DOCK1: variants seen among roughly 807,000 people sequenced by gnomAD.
The protein encoded by DOCK1 is dedicator of cytokinesis protein 1.
DOCK1 carries 138 observed loss-of-function variants against 262.7 expected under a neutral mutation model. The observed-to-expected ratio is 0.53, with a 90% confidence interval of 0.46 to 0.61. DOCK1 has a LOEUF of 0.61. Ranked by LOEUF, DOCK1 falls within the 20% of genes least tolerant of loss-of-function variation. The probability of loss-of-function intolerance (pLI) is 0.00; values close to 1 mark genes in which losing one functional copy is unlikely to be tolerated. For synonymous variants in DOCK1, 866 were observed against 867.4 expected, an observed-to-expected ratio of 1.00 and a Z score of 0.03; for missense variants, 1,908 against 2,370.7, an observed-to-expected ratio of 0.80 and a Z score of 4.05.
chr10:127,361,986 G>C, intron 32 of DOCK1, 78 bp from the exon 33 acceptor site: 1 of 1,418,512 alleles, frequency 7.0e-7, no homozygotes, highest in African/African-American at 1.4e-5. Flanking sequence ...GATCTGTGTT[G>C]TGTTGTTTTA....
At chr10:127,093,196 C>A (rs1323143406) in intron 23 of DOCK1, among the ~76,000 whole-genome samples, 1 of 78,880 alleles carries the variant, frequency 1.3e-5, no homozygotes, top group Non-Finnish European at 2.6e-5. Context: ...TCTCCCTCTC[C>A]TTTTTCTTTC....
chr10:127,236,913 G>A (rs541870083), intron 27 of DOCK1, among the ~76,000 whole-genome samples: 92 of 152,060 alleles, frequency 6.1e-4, no homozygotes, highest in Non-Finnish European at 1.1e-3. Flanking sequence ...TGAGGAAAAC[G>A]AGGCTCAGAA....
At chr10:127,101,256 A>G in intron 23 of DOCK1, among the ~76,000 whole-genome samples, 1 of 152,056 alleles carries the variant, frequency 6.6e-6, no homozygotes, top group East Asian at 1.9e-4. Context: ...AGGCTTGAGA[A>G]GAGCAAAGAA....
intron 4 of DOCK1, among the ~76,000 whole-genome samples, chr10:126,982,881 T>G (rs182297998): frequency 6.6e-6 from 1 of 152,372 alleles, no homozygotes; most frequent in Non-Finnish European, 1.5e-5. Flanking sequence ...CTGGATCAAG[T>G]GTGCATTTAG....
chr10:127,228,739 C>T (rs1231458853), intron 27 of DOCK1, among the ~76,000 whole-genome samples: 2 of 152,188 alleles, frequency 1.3e-5, no homozygotes, highest in African/African-American at 4.8e-5. Flanking sequence ...AAATCACACA[C>T]ATTCTCTAGC....
chr10:127,035,790 A>G (rs1006570053), intron 18 of DOCK1, among the ~76,000 whole-genome samples: 1 of 151,928 alleles, frequency 6.6e-6, no homozygotes, highest in African/African-American at 2.4e-5. Flanking sequence ...CGTGAGGTTC[A>G]CATGAGCCCA....
At chr10:126,960,522 C>G (rs1034389195) in intron 1 of DOCK1, among the ~76,000 whole-genome samples, 1 of 150,624 alleles carries the variant, frequency 6.6e-6, no homozygotes, top group Middle Eastern at 3.4e-3. Context: ...AGGGTTTCAT[C>G]CAGAGGTGAT....
At chr10:127,436,705 T>A (rs2069712644) in intron 48 of DOCK1, among the ~76,000 whole-genome samples, 1 of 152,138 alleles carries the variant, frequency 6.6e-6, no homozygotes, top group Non-Finnish European at 1.5e-5. Flanking sequence ...CACTATGAAT[T>A]TCTAATTTAA....
At chr10:127,436,099 A>G (rs1201605878) in intron 48 of DOCK1, among the ~76,000 whole-genome samples, 1 of 152,220 alleles carries the variant, frequency 6.6e-6, no homozygotes, top group Non-Finnish European at 1.5e-5. Context: ...TTTCTCACCT[A>G]ATGGATATGG....
intron 27 of DOCK1, among the ~76,000 whole-genome samples, chr10:127,141,202 T>C (rs2051207901): frequency 6.6e-6 from 1 of 152,212 alleles, no homozygotes; most frequent in Non-Finnish European, 1.5e-5. Flanking sequence ...TCCTGTCTTA[T>C]TTGTTTTTGC....
At chr10:127,035,012 T>C (rs1368316225) in intron 18 of DOCK1, among the ~76,000 whole-genome samples, 1 of 152,234 alleles carries the variant, frequency 6.6e-6, no homozygotes, top group East Asian at 1.9e-4. Context: ...CAGCAGCAGC[T>C]GTTGCCAGGC....
chr10:127,185,008 C>T (rs1165104418), intron 27 of DOCK1, among the ~76,000 whole-genome samples: 6 of 152,146 alleles, frequency 3.9e-5, no homozygotes, highest in African/African-American at 1.4e-4. Flanking sequence ...GACACCAGTC[C>T]ACTGTGCACA....
intron 29 of DOCK1, among the ~76,000 whole-genome samples, chr10:127,275,237 G>T (rs1216017714): frequency 6.6e-6 from 1 of 151,866 alleles, no homozygotes; most frequent in Admixed American, 6.6e-5. Context: ...CCAAGAGCAG[G>T]AGTCAGTAAT....
intron 12 of DOCK1, among the ~76,000 whole-genome samples, chr10:127,014,523 ATTAAGTG>A (rs1186255439): frequency 6.6e-6 from 1 of 152,218 alleles, no homozygotes; most frequent in Admixed American, 6.5e-5. Context: ...GATTTCTAAT[ATTAAGTG>A]TTAAGTGTTC....
chr10:127,182,995 C>T (rs1291314750), intron 27 of DOCK1, among the ~76,000 whole-genome samples: 1 of 149,692 alleles, frequency 6.7e-6, no homozygotes, highest in Non-Finnish European at 1.5e-5. Flanking sequence ...TAGTGGGAAT[C>T]TCACTCACAT....
intron 1 of DOCK1, among the ~76,000 whole-genome samples, chr10:126,952,251 G>T (rs1042281028): frequency 6.6e-6 from 1 of 152,022 alleles, no homozygotes; most frequent in Non-Finnish European, 1.5e-5. Context: ...GTAGGTGATG[G>T]TGATGGTAAT....
intron 32 of DOCK1, among the ~76,000 whole-genome samples, chr10:127,356,765 AG>A (rs1281863276): frequency 6.6e-6 from 1 of 152,158 alleles, no homozygotes; most frequent in African/African-American, 2.4e-5. Flanking sequence ...TTGGGCTCTC[AG>A]GGCAGACCCC....
rs2070522521 is a variant in DOCK1 at position 127,446,032 on chromosome 10, G to A, written c.5414-1362G>A. Among the ~76,000 whole-genome samples, 1 of 152,168 alleles carries A rather than the reference G, an allele frequency of 6.6e-6. No homozygotes were observed. The highest frequency in any genetic ancestry group is 2.4e-5 in the African/African-American group (1 of 41,456). Reference sequence around the variant, plus strand: ...TTGGGAGTTCGAGGTGGGTGGATCAGCTGAGGTCAGGAGTTCGAGACCAGC... The same window carrying A: ...TTGGGAGTTCGAGGTGGGTGGATCAACTGAGGTCAGGAGTTCGAGACCAGC... On this transcript the variant is annotated intron_variant, in intron 50 of 51. Transcript: ENST00000623213. This position sits in a 1 kb window ranked among gnomAD's most constrained non-coding sequence, Gnocchi z 4.4.
chr10:126,973,254 A>C (rs2038252594), intron 2 of DOCK1, among the ~76,000 whole-genome samples: 1 of 146,262 alleles, frequency 6.8e-6, no homozygotes, highest in South Asian at 2.2e-4. Context: ...TTTGAGATGG[A>C]GGCTCGCTCT....
Sources: allele counts gnomAD v4.1 joint callset (sites outside exome capture counted in the v4.1 genomes callset), GRCh38; gene constraint gnomAD v4.1.1; non-coding constraint Gnocchi (gnomAD v3.1); transcripts MANE v1.5; gene names NCBI Gene and HGNC (gene_info 2026-07-23, HGNC 2026-07-21).